The following CASTOR2 variants were observed in gnomAD, a reference collection of about 807,000 sequenced individuals.
CASTOR2 encodes the protein GATS protein like 2.
CASTOR2 carries 8 observed loss-of-function variants against 31.2 expected under a neutral mutation model. The observed-to-expected ratio is 0.26, with a 90% CI of 0.15 to 0.46. The LOEUF is 0.46. Ranked by LOEUF, CASTOR2 falls within the 20% of genes least tolerant of loss-of-function variation. CASTOR2 has a pLI of 0.99. For synonymous variants in CASTOR2, 162 were observed against 158.7 expected (o/e 1.02, Z -0.16); for missense variants, 216 against 382.1 (o/e 0.57, Z 3.62).
rs2131955833 is a variant in CASTOR2, at chr7:75,020,102, C to T, written c.699C>T (p.Leu233=). Residue 233 remains leucine (L), a synonymous_variant, in exon 6 of 9, where the codon CTC becomes CTT. Transcript: ENST00000616305. ...CGHIRFFSFS[L]IEGYISLVMD... is the part of the protein sequence containing the mutation. The stretch of plus-strand genomic sequence containing the variant: ...ACATCCGCTTCTTCTCCTTCTCCCT[C>T]ATCGAGGGCTACATCTCCCTGGTGA... 6.4e-6 allele frequency: 10 copies of T among 1,551,524 alleles called. No homozygotes were observed. The South Asian group carries it at 1.2e-4, about 18-fold the overall frequency.
intron 1 of CASTOR2, among the ~76,000 whole-genome samples, chr7:74,993,633 T>C (rs1584465950): frequency 1.3e-5 from 2 of 151,646 alleles, no homozygotes; most frequent in African/African-American, 4.8e-5. Flanking sequence ...GTATTTTTAG[T>C]AGAGACAGGG....
At chr7:74,996,059 G>T (rs1307912441) in intron 1 of CASTOR2, among the ~76,000 whole-genome samples, 1 of 152,134 alleles carries the variant, frequency 6.6e-6, no homozygotes, top group Admixed American at 6.6e-5. Context: ...GAAATCTGGG[G>T]TGTGTGTTGG....
At chr7:75,007,145 C>A (rs1554438853) in intron 1 of CASTOR2, among the ~76,000 whole-genome samples, 1 of 152,094 alleles carries the variant, frequency 6.6e-6, no homozygotes, top group Admixed American at 6.6e-5. Context: ...CTGCAATACT[C>A]TCTAGGGTGC....
At position 75,025,736 on chromosome 7, in the gene CASTOR2, G is replaced by GT. The variant is rs1805110698; in HGVS notation, c.*1043dup. The stretch of plus-strand genomic sequence containing the variant: ...ATAGAGAAAACCATACTTTGTTTTA[G>GT]TTTTTTATTTAATGTATTTGCACCC... On this transcript the variant is annotated 3_prime_UTR_variant, in exon 9 of 9. Transcript: ENST00000616305. 6.6e-6 allele frequency among the ~76,000 whole-genome samples: 1 copy of GT among 152,244 alleles called. No homozygotes were observed. Among genetic ancestry groups the GT allele is most frequent in the Non-Finnish European group, 1.5e-5 (1 of 68,048 alleles).
At chr7:75,008,261 C>T (rs1804649824) in intron 2 of CASTOR2, among the ~76,000 whole-genome samples, 197 bp downstream of exon 2, 1 of 139,084 alleles carries the variant, frequency 7.2e-6, no homozygotes, top group Non-Finnish European at 1.6e-5. Context: ...TGGAGGGTCC[C>T]CTCCCTGGGT....
chr7:74,986,585 T>C (rs1275335180), intron 1 of CASTOR2, among the ~76,000 whole-genome samples: 4 of 152,016 alleles, frequency 2.6e-5, no homozygotes, highest in African/African-American at 9.7e-5. Context: ...CCAAGGGCCA[T>C]GCACTGAGCT....
chr7:75,022,136 G>T (rs1460938010), intron 7 of CASTOR2, among the ~76,000 whole-genome samples, 180 bp downstream of exon 7: 1 of 152,172 alleles, frequency 6.6e-6, no homozygotes, highest in Non-Finnish European at 1.5e-5. Context: ...GGCCTCTTGG[G>T]GAAGTGCGGA....
intron 1 of CASTOR2, among the ~76,000 whole-genome samples, chr7:74,997,193 A>G (rs1804372985): frequency 6.6e-6 from 1 of 151,840 alleles, no homozygotes; most frequent in South Asian, 2.1e-4. Context: ...AGCTGGGACT[A>G]CAGGTGCATG....
At chr7:75,006,195 G>T (rs1252723344) in intron 1 of CASTOR2, among the ~76,000 whole-genome samples, 7 of 152,182 alleles carry the variant, frequency 4.6e-5, no homozygotes, top group African/African-American at 1.7e-4. Context: ...GAGGCAGGGG[G>T]ATTGCTTGAG....
intron 2 of CASTOR2, among the ~76,000 whole-genome samples, chr7:75,016,652 TG>T (rs1388372101): frequency 6.6e-6 from 1 of 152,122 alleles, no homozygotes; most frequent in African/African-American, 2.4e-5. Flanking sequence ...CATGGGACAA[TG>T]GGTGTGATGG....
rs959994683 is a variant in CASTOR2, at chr7:75,020,195, G to C, written c.746+46G>C. On this transcript the variant is annotated intron_variant, in intron 6 of 8. Coordinates refer to ENST00000616305, the MANE Select transcript of CASTOR2 (RefSeq NM_001145064.3). ...GACGTTCAACCCAGGGTGGGCCCCA[G>C]GGTCTGGGGGGACTATGTGATGGCA... 2,399 of 1,509,022 alleles carry C rather than the reference G, an allele frequency of 1.6e-3. 10 individuals are homozygous for C. Among genetic ancestry groups the C allele is most frequent in the South Asian group, 3.4e-3 (285 of 83,062 alleles). The allele number at this position is 1,509,022 out of a possible 1,614,324, so 93.5% of individuals were successfully genotyped here.
intron 4 of CASTOR2, among the ~76,000 whole-genome samples, chr7:75,018,363 A>T (rs1804914017): frequency 6.6e-6 from 1 of 152,116 alleles, no homozygotes. Context: ...AACATGGAGA[A>T]ACCCCGTCTC....
At chr7:74,975,314 TTG>T (rs772682483) in intron 1 of CASTOR2, among the ~76,000 whole-genome samples, 2 of 150,732 alleles carry the variant, frequency 1.3e-5, no homozygotes, top group Non-Finnish European at 3.0e-5. Flanking sequence ...TCTCACTCTG[TTG>T]TCCACGCCGG....
chr7:75,023,771 G>A lies in CASTOR2; in HGVS notation c.830-669G>A, dbSNP rs972541152. ...CCACACTTTTAAATAGCCAGATCTCGTGAGGACTTACTGTCACGAGAACAG... is the reference window on the plus strand; with the variant it reads ...CCACACTTTTAAATAGCCAGATCTCATGAGGACTTACTGTCACGAGAACAG... On this transcript the variant is annotated intron_variant, in intron 7 of 8. Coordinates refer to ENST00000616305, the MANE Select transcript of CASTOR2 (RefSeq NM_001145064.3). 1.8e-4 allele frequency among the ~76,000 whole-genome samples: 27 copies of A among 152,238 alleles called. No individual in the cohort carries two copies. In the East Asian group the frequency reaches 4.1e-3, roughly 23 times the overall value.
chr7:74,996,744 T>TG (rs1188091913), intron 1 of CASTOR2, among the ~76,000 whole-genome samples: 1 of 134,728 alleles, frequency 7.4e-6, no homozygotes, highest in African/African-American at 2.9e-5. Context: ...TTTTTTTTTT[T>TG]TGGAGACAGA....
intron 6 of CASTOR2, among the ~76,000 whole-genome samples, chr7:75,021,551 G>A (rs971071077): frequency 7.7e-4 from 117 of 152,276 alleles, no homozygotes; most frequent in African/African-American, 2.3e-3. Context: ...GATTTGAACC[G>A]CAGCCCCGGT....
At chr7:75,015,990 C>G (rs1253715385) in intron 2 of CASTOR2, among the ~76,000 whole-genome samples, 1 of 152,074 alleles carries the variant, frequency 6.6e-6, no homozygotes, top group Non-Finnish European at 1.5e-5. Context: ...TTGCTTGAAC[C>G]AGGAGGCAGA....
At chr7:75,012,015 A>G (rs1357921999) in intron 2 of CASTOR2, among the ~76,000 whole-genome samples, 1 of 152,002 alleles carries the variant, frequency 6.6e-6, no homozygotes, top group Non-Finnish European at 1.5e-5. Flanking sequence ...TTTACAAGCG[A>G]GAAAGCAAGC....
In CASTOR2 at chr7:74,986,586, G is replaced by A. The variant is rs587775591; in HGVS notation, c.114-21408G>A. Reference sequence around the variant, plus strand: ...CCATATCTAGAGCCCCAAGGGCCATGCACTGAGCTCAGATACTGCCTGTGG... The same window carrying A: ...CCATATCTAGAGCCCCAAGGGCCATACACTGAGCTCAGATACTGCCTGTGG... On this transcript the variant is annotated intron_variant, in intron 1 of 8. Transcript: ENST00000616305. Among the ~76,000 whole-genome samples the A allele has an allele frequency of 2.0e-5, 3 of 152,194 alleles. No homozygotes were observed. In the East Asian group the frequency reaches 5.8e-4, roughly 29 times the overall value.
Sources: gnomAD v4.1 joint callset for allele counts (sites outside exome capture counted in the v4.1 genomes callset) on GRCh38, gnomAD v4.1.1 for gene constraint, MANE v1.5 for transcripts, NCBI Gene and HGNC (gene_info 2026-07-23, HGNC 2026-07-21) for gene names.